The following YTHDF2 variants were observed in gnomAD, a reference collection of about 807,000 sequenced individuals.
The protein encoded by YTHDF2 is YTH domain-containing family protein 2.
Under a neutral mutation model 50.4 loss-of-function variants are expected in YTHDF2, and 2 were observed. The observed-to-expected ratio is 0.04, with a 90% confidence interval of 0.02 to 0.12. The LOEUF (loss-of-function observed/expected upper bound fraction) is 0.12, where lower values mean the gene tolerates loss of function less well. YTHDF2 is among the 10% of genes least tolerant of loss of function. The pLI, the probability that YTHDF2 is intolerant of heterozygous loss-of-function variation, is 1.00. For synonymous variants in YTHDF2, 217 were observed against 255.6 expected (o/e 0.85, Z 1.44); for missense variants, 483 against 722.6 (o/e 0.67, Z 3.80).
chr1:28,750,904 G>A (rs2087940957), intron 4 of YTHDF2, among the ~76,000 whole-genome samples: 1 of 151,582 alleles, frequency 6.6e-6, no homozygotes, highest in Non-Finnish European at 1.5e-5. Context: ...ACCATCCTGG[G>A]CAACATGGTG....
chr1:28,737,931 C>T (rs902425269), intron 2 of YTHDF2: 18 of 587,312 alleles, frequency 3.1e-5, no homozygotes, highest in Admixed American at 1.2e-4. Flanking sequence ...CCTTAGTTTC[C>T]TGTAGGTCTT....
intron 4 of YTHDF2, among the ~76,000 whole-genome samples, chr1:28,745,643 T>G (rs2087845707): frequency 6.6e-6 from 1 of 151,080 alleles, no homozygotes; most frequent in Non-Finnish European, 1.5e-5. Context: ...GAGAATCACT[T>G]GAACCCCGAA....
At chr1:28,744,108 C>A (rs1321742387) in intron 4 of YTHDF2, 122 bp downstream of exon 4, 2 of 1,069,280 alleles carry the variant, frequency 1.9e-6, no homozygotes, top group African/African-American at 1.6e-5. Context: ...CCTAACAGTT[C>A]AAGGCTTTAT....
intron 2 of YTHDF2, chr1:28,737,898 T>C (rs1570458437): frequency 3.3e-6 from 2 of 610,446 alleles, no homozygotes. Context: ...TGGGGGTGGA[T>C]TGGGTTTTGA....
intron 1 of YTHDF2, 184 bp from the exon 2 acceptor site, chr1:28,737,474 C>T (rs1054678719): frequency 3.7e-6 from 3 of 809,466 alleles, no homozygotes; most frequent in Non-Finnish European, 5.6e-6. Context: ...GTTTTCTCCC[C>T]TGCCCCACGG....
intron 3 of YTHDF2, 104 bp from the exon 4 acceptor site, chr1:28,742,299 C>A: frequency 7.0e-7 from 1 of 1,433,850 alleles, no homozygotes; most frequent in Non-Finnish European, 9.3e-7. Flanking sequence ...CCGGCCTGCA[C>A]ACTCCTTTTT....
intron 2 of YTHDF2, 80 bp downstream of exon 2, chr1:28,737,762 G>T: frequency 6.4e-7 from 1 of 1,562,922 alleles, no homozygotes; most frequent in Non-Finnish European, 8.7e-7. Flanking sequence ...GAAGCGCCCC[G>T]GGCGGAGGAC....
At chr1:28,761,407 G>A (rs1218723591) in intron 4 of YTHDF2, among the ~76,000 whole-genome samples, 3 of 151,896 alleles carry the variant, frequency 2.0e-5, no homozygotes, top group Admixed American at 6.6e-5. Flanking sequence ...CAAATTGTTA[G>A]GATTCCAGGT....
rs555924876 is a variant in YTHDF2 at position 28,756,596 on chromosome 1, G to C, written c.1717-12333G>C. The stretch of plus-strand genomic sequence containing the variant: ...AATTTGAAACACACTAGATGACAGT[G>C]AATTTTTAAAAATGGGAATGATGCA... On this transcript the variant is annotated intron_variant, in intron 4 of 4. Transcript: ENST00000373812. Among the ~76,000 whole-genome samples the C allele has an allele frequency of 3.3e-5, 5 of 152,186 alleles. No homozygotes were observed. In the East Asian group the frequency reaches 7.7e-4, roughly 23 times the overall value.
chr1:28,754,963 CAAAAAAAA>C (rs58411768), intron 4 of YTHDF2, among the ~76,000 whole-genome samples: 2 of 81,464 alleles, frequency 2.5e-5, no homozygotes, highest in East Asian at 4.8e-4. Flanking sequence ...GGTGACAGCT[CAAAAAAAA>C]AAAAAAAAAA....
Position 28,743,119 on chromosome 1 carries a change from C to G in YTHDF2, c.849C>G (p.Pro283=). 1 of 1,614,150 alleles carries G rather than the reference C, an allele frequency of 6.2e-7. No individual in the cohort carries two copies. Among genetic ancestry groups the G allele is most frequent in the East Asian group, 2.2e-5 (1 of 44,886 alleles). ...MDIGTWDNKG[P]VAKAPSQALV... ...TTGGAACTTGGGATAACAAGGGTCC[C>G]GTTGCAAAAGCCCCCTCACAGGCTT... is the stretch of plus-strand genomic sequence containing the variant. Residue 283 remains proline (P), a synonymous_variant, in exon 4 of 5, where the codon CCC becomes CCG. Transcript: ENST00000373812. The surrounding 1 kb of genome is among the most constrained non-coding windows in gnomAD (Gnocchi z 6.9).
intron 4 of YTHDF2, among the ~76,000 whole-genome samples, chr1:28,757,656 T>C (rs1420131642): frequency 6.6e-6 from 1 of 152,214 alleles, no homozygotes; most frequent in East Asian, 1.9e-4. Context: ...AATCTTGCAA[T>C]GTGCAAACTA....
chr1:28,750,738 A>G (rs2087938354), intron 4 of YTHDF2, among the ~76,000 whole-genome samples: 2 of 152,104 alleles, frequency 1.3e-5, no homozygotes, highest in African/African-American at 4.8e-5. Context: ...GTTTTTAAAT[A>G]CATTTACTAT....
intron 2 of YTHDF2, chr1:28,737,971 T>C: frequency 1.7e-6 from 1 of 575,292 alleles, no homozygotes; most frequent in African/African-American, 1.9e-5. Flanking sequence ...TCCTCGTGGA[T>C]CACTCTCTGG....
At position 28,743,874 on chromosome 1, in the gene YTHDF2, A is replaced by G; in HGVS notation, c.1604A>G (p.Glu535Gly). 6.2e-7 allele frequency: 1 copy of G among 1,613,028 alleles called. No individual in the cohort carries two copies. Among genetic ancestry groups the G allele is most frequent in the Non-Finnish European group, 8.5e-7 (1 of 1,179,620 alleles). The change falls in exon 4 of 5, where the codon GAA becomes GGA. Residue 535 changes from glutamate (E) to glycine (G), a missense_variant. By Grantham distance (98) the Glu-to-Gly change is moderately conservative. Around this residue, in one of 4 missense-constraint regions of YTHDF2, gnomAD observed 38 missense variants for 60.1 expected, o/e 0.63. Coordinates refer to ENST00000373812, the MANE Select transcript of YTHDF2 (RefSeq NM_016258.3). This position sits in a 1 kb window ranked among gnomAD's most constrained non-coding sequence, Gnocchi z 6.9. ...AGGGACACTCAGGAAGTGCCTCTGG[A>G]AAAGGCTAAGCAGGTGTTGAAAATT... The part of the protein sequence containing the change: ...NSRDTQEVPL[E>G]KAKQVLKIIA...
intron 2 of YTHDF2, 118 bp downstream of exon 2, chr1:28,737,800 G>A: frequency 8.3e-7 from 1 of 1,208,758 alleles, no homozygotes; most frequent in Non-Finnish European, 1.2e-6. Flanking sequence ...GTTCGCAGGT[G>A]CCGCACACTT....
intron 4 of YTHDF2, among the ~76,000 whole-genome samples, chr1:28,758,570 G>A (rs1209147528): frequency 6.6e-6 from 1 of 152,150 alleles, no homozygotes. Flanking sequence ...TTTGCTGAAG[G>A]TTGTAAAAGT....
rs943276133 is a variant in YTHDF2 at position 28,743,133 on chromosome 1, C to T, written c.863C>T (p.Pro288Leu). The T allele has an allele frequency of 1.2e-6, 2 of 1,614,112 alleles. No homozygotes were observed. Among genetic ancestry groups the T allele is most frequent in the Non-Finnish European group, 8.5e-7 (1 of 1,180,010 alleles). ...WDNKGPVAKA[P>L]SQALVQNIGQ... ...AACAAGGGTCCCGTTGCAAAAGCCC[C>T]CTCACAGGCTTTGGTTCAGAATATA... The change falls in exon 4 of 5, where the codon CCC becomes CTC. Residue 288 changes from proline to leucine, a missense_variant. Coordinates refer to ENST00000373812, the MANE Select transcript of YTHDF2 (RefSeq NM_016258.3). This position sits in a 1 kb window ranked among gnomAD's most constrained non-coding sequence, Gnocchi z 6.9.
rs890437054 is a variant in YTHDF2, at chr1:28,737,120, C to A, written c.-1C>A. 6.3e-7 allele frequency: 1 copy of A among 1,599,060 alleles called. No individual in the cohort carries two copies. Among genetic ancestry groups the A allele is most frequent in the African/African-American group, 1.4e-5 (1 of 73,868 alleles). On this transcript the variant is annotated 5_prime_UTR_variant, in exon 1 of 5. Coordinates refer to ENST00000373812, the MANE Select transcript of YTHDF2 (RefSeq NM_016258.3). Reference sequence around the variant, plus strand: ...TCGCCGCCCGTGAGGATCTGAGAGCCATGTCGGCCAGCAGCCTCTTGGAGC... The same window carrying A: ...TCGCCGCCCGTGAGGATCTGAGAGCAATGTCGGCCAGCAGCCTCTTGGAGC...
Sources: gnomAD v4.1 joint callset for allele counts (sites outside exome capture counted in the v4.1 genomes callset) on GRCh38, gnomAD v4.1.1 for gene constraint, gnomAD v4.1.1 regional missense constraint, Gnocchi (gnomAD v3.1) non-coding constraint, MANE v1.5 for transcripts, NCBI Gene and HGNC (gene_info 2026-07-23, HGNC 2026-07-21) for gene names.